SPOCK3: variants seen among roughly 807,000 people sequenced by gnomAD.
SPOCK3 encodes testican-3.
SPOCK3 carries 30 observed loss-of-function variants against 56.6 expected under a neutral mutation model. The observed-to-expected ratio is 0.53, with a 90% CI of 0.40 to 0.72. The LOEUF (loss-of-function observed/expected upper bound fraction) is 0.72, where lower values mean the gene tolerates loss of function less well. Among genes scored for constraint, SPOCK3 ranks in the 30% least tolerant of loss-of-function variants. SPOCK3 has a pLI of 0.00. For synonymous variants in SPOCK3, 196 were observed against 183.3 expected (o/e 1.07, Z -0.56); for missense variants, 527 against 530.0 (o/e 0.99, Z 0.06).
In SPOCK3 at chr4:166,851,367, A is replaced by T. The variant is rs555628801; in HGVS notation, c.589+37763T>A. Among the ~76,000 whole-genome samples the T allele has an allele frequency of 1.4e-3, 211 of 152,356 alleles. 1 individual carries two copies. The highest frequency in any genetic ancestry group is 4.9e-3 in the African/African-American group (204 of 41,596). On this transcript the variant is annotated intron_variant, in intron 6 of 10. Transcript: ENST00000357545. ...AGTAGATAAAACCACAAAGATGGGG[A>T]AAAGATAGAGCAGAAAAACTGGAAA...
intron 2 of SPOCK3, among the ~76,000 whole-genome samples, chr4:167,165,812 G>GATTCAAGAAAAATTCATATTCA (rs1561284251): frequency 1.4e-4 from 21 of 152,086 alleles, no homozygotes; most frequent in Admixed American, 1.2e-3. Flanking sequence ...ATATAAGAGG[G>GATTCAAGAAAAATTCATATTCA]AGTTATCAGA....
intron 2 of SPOCK3, among the ~76,000 whole-genome samples, chr4:167,198,760 T>C (rs1019037492): frequency 6.6e-6 from 1 of 152,128 alleles, no homozygotes; most frequent in African/African-American, 2.4e-5. Flanking sequence ...AGATTTCAGC[T>C]CACTCAAGGG....
chr4:167,185,385 C>G (rs1157075087), intron 2 of SPOCK3, among the ~76,000 whole-genome samples: 1 of 152,190 alleles, frequency 6.6e-6, no homozygotes, highest in African/African-American at 2.4e-5. Context: ...ACCCATACTT[C>G]CAAGAGCAGG....
chr4:167,048,341 T>C (rs1753904287), intron 3 of SPOCK3, among the ~76,000 whole-genome samples: 1 of 151,254 alleles, frequency 6.6e-6, no homozygotes, highest in Admixed American at 6.6e-5. Context: ...GAAAAAAAAG[T>C]AGTGTGTGAT....
intron 6 of SPOCK3, among the ~76,000 whole-genome samples, chr4:166,824,560 C>A (rs184397625): frequency 6.6e-6 from 1 of 152,174 alleles, no homozygotes; most frequent in Admixed American, 6.5e-5. Context: ...TGAAAGGTTT[C>A]TTTGGTTAAC....
At chr4:166,839,703 T>C (rs1477999559) in intron 6 of SPOCK3, among the ~76,000 whole-genome samples, 3 of 152,134 alleles carry the variant, frequency 2.0e-5, no homozygotes, top group Non-Finnish European at 4.4e-5. Context: ...TTTACCATCA[T>C]TATAATCAAT....
intron 2 of SPOCK3, among the ~76,000 whole-genome samples, chr4:167,066,608 CTG>C (rs1381804672): frequency 6.6e-6 from 1 of 151,758 alleles, no homozygotes; most frequent in Admixed American, 6.6e-5. Context: ...CACTTTACAA[CTG>C]TATGGGTTTT....
intron 5 of SPOCK3, among the ~76,000 whole-genome samples, chr4:166,906,144 T>C (rs1314169982): frequency 1.3e-5 from 2 of 152,082 alleles, no homozygotes; most frequent in Non-Finnish European, 2.9e-5. Flanking sequence ...ACTTTGCATC[T>C]GAATTCAAAA....
chr4:167,172,141 A>C (rs1285976995), intron 2 of SPOCK3, among the ~76,000 whole-genome samples: 1 of 152,196 alleles, frequency 6.6e-6, no homozygotes, highest in Non-Finnish European at 1.5e-5. Context: ...CACTCAAGAC[A>C]GGCACCAAGA....
chr4:167,075,801 C>G (rs549338391), intron 2 of SPOCK3, among the ~76,000 whole-genome samples: 1 of 151,976 alleles, frequency 6.6e-6, no homozygotes, highest in South Asian at 2.1e-4. Context: ...ACCACCACAC[C>G]TGGTCAATAT....
intron 6 of SPOCK3, among the ~76,000 whole-genome samples, chr4:166,843,799 G>A (rs1338478283): frequency 6.6e-6 from 1 of 152,148 alleles, no homozygotes; most frequent in Non-Finnish European, 1.5e-5. Context: ...CTCTAGTTTG[G>A]CAATGTAACT....
intron 3 of SPOCK3, among the ~76,000 whole-genome samples, chr4:167,013,745 A>G (rs946455340): frequency 6.6e-6 from 1 of 151,964 alleles, no homozygotes; most frequent in Admixed American, 6.6e-5. Context: ...CCCTACTAAT[A>G]TGGCGATTTT....
At chr4:167,117,291 G>T (rs1228609440) in intron 2 of SPOCK3, among the ~76,000 whole-genome samples, 1 of 152,060 alleles carries the variant, frequency 6.6e-6, no homozygotes, top group African/African-American at 2.4e-5. Context: ...CTTGTGGGCT[G>T]GTATGAGGGA....
rs868291997 is a variant in SPOCK3, at chr4:166,981,919, C to T, written c.350+18430G>A. Among the ~76,000 whole-genome samples the T allele has an allele frequency of 4.6e-5, 7 of 152,330 alleles. No homozygotes were observed. The East Asian group carries it at 5.8e-4, about 13-fold the overall frequency. On this transcript the variant is annotated intron_variant, in intron 4 of 10. Coordinates refer to ENST00000357545, the MANE Select transcript of SPOCK3 (RefSeq NM_001040159.2). Reference sequence around the variant, plus strand: ...GTCAGCACCACCCTCAGCTCACACACGCTCTGCAACTTTGCCCCACCACAG... The same window carrying T: ...GTCAGCACCACCCTCAGCTCACACATGCTCTGCAACTTTGCCCCACCACAG...
intron 4 of SPOCK3, among the ~76,000 whole-genome samples, chr4:166,964,477 C>G (rs1744482978): frequency 1.3e-5 from 2 of 151,656 alleles, no homozygotes; most frequent in South Asian, 4.1e-4. Flanking sequence ...ACACAAAATA[C>G]TAATAATTTT....
At position 167,080,511 on chromosome 4, in the gene SPOCK3, G is replaced by A. The variant is rs533955409; in HGVS notation, c.190-17974C>T. On this transcript the variant is annotated intron_variant, in intron 2 of 10. Coordinates refer to ENST00000357545, the MANE Select transcript of SPOCK3 (RefSeq NM_001040159.2). ...ATCTCCACCCAAAGGAAATAGAAAG[G>A]ACAAAGAATCATTTAAGATCATATT... Among the ~76,000 whole-genome samples, 56 of 152,108 alleles carry A rather than the reference G, an allele frequency of 3.7e-4. No homozygotes were observed. In the East Asian group the frequency reaches 3.9e-3, roughly 11 times the overall value.
intron 6 of SPOCK3, among the ~76,000 whole-genome samples, chr4:166,818,161 C>T (rs765723070): frequency 6.6e-6 from 1 of 151,964 alleles, no homozygotes; most frequent in East Asian, 1.9e-4. Flanking sequence ...ATCTAAGTCA[C>T]TTAACATAAT....
At chr4:167,187,885 A>G (rs375664071) in intron 2 of SPOCK3, among the ~76,000 whole-genome samples, 3 of 152,180 alleles carry the variant, frequency 2.0e-5, no homozygotes, top group East Asian at 3.9e-4. Flanking sequence ...TAGATAATGT[A>G]CAAATATGAA....
chr4:167,063,263 T>C (rs1755786709), intron 2 of SPOCK3, among the ~76,000 whole-genome samples: 1 of 151,856 alleles, frequency 6.6e-6, no homozygotes, highest in Admixed American at 6.6e-5. Context: ...TTTTTAAAAG[T>C]AAGGCCAAAT....
Sources: gnomAD v4.1 joint callset for allele counts (sites outside exome capture counted in the v4.1 genomes callset) on GRCh38, gnomAD v4.1.1 for gene constraint, MANE v1.5 for transcripts, NCBI Gene and HGNC (gene_info 2026-07-23, HGNC 2026-07-21) for gene names.